TM9SF3: variants seen among roughly 807,000 people sequenced by gnomAD.
TM9SF3 encodes the protein SM-11044-binding protein.
TM9SF3 carries 14 observed loss-of-function variants against 78.6 expected under a neutral mutation model. The ratio of observed to expected loss-of-function variants is 0.18; its 90% CI spans 0.12 to 0.28. The LOEUF (loss-of-function observed/expected upper bound fraction) is 0.28, where lower values mean the gene tolerates loss of function less well. Ranked by LOEUF, TM9SF3 falls within the 10% of genes least tolerant of loss-of-function variation. The pLI, the probability that TM9SF3 is intolerant of heterozygous loss-of-function variation, is 1.00. For missense variants in TM9SF3, 496 were observed against 721.9 expected (o/e 0.69, Z 3.59); for synonymous variants, 231 against 241.7 (o/e 0.96, Z 0.41).
intron 14 of TM9SF3, among the ~76,000 whole-genome samples, chr10:96,525,738 C>T (rs1284574054): frequency 6.6e-6 from 1 of 152,076 alleles, no homozygotes; most frequent in African/African-American, 2.4e-5. Flanking sequence ...TACATCATTC[C>T]TACAAAGTAA....
At chr10:96,526,522 C>T (rs1847839849) in intron 14 of TM9SF3, among the ~76,000 whole-genome samples, 1 of 152,110 alleles carries the variant, frequency 6.6e-6, no homozygotes, top group South Asian at 2.1e-4. Context: ...CTATTTCACA[C>T]ATTCTAGAGA....
At chr10:96,561,798 A>G (rs1418135123) in intron 4 of TM9SF3, among the ~76,000 whole-genome samples, 180 bp downstream of exon 4, 1 of 152,244 alleles carries the variant, frequency 6.6e-6, no homozygotes, top group African/African-American at 2.4e-5. Flanking sequence ...ACAGACCTGA[A>G]GCAAATCCTC....
rs370648153 is a variant in TM9SF3 at position 96,519,777 on chromosome 10, GACAC to G, written c.*2482_*2485del. On this transcript the variant is annotated 3_prime_UTR_variant, in exon 15 of 15. Transcript: ENST00000371142. ...TTGTGAATTACATCTTCTTTAAGAA[GACAC>G]ACACACACGCACACACATACATACA... 9.2e-5 allele frequency: 14 copies of G among 151,542 alleles called. No homozygotes were observed. The highest frequency in any genetic ancestry group is 3.4e-4 in the African/African-American group (14 of 41,402). 9.4% of individuals were successfully genotyped at this position (151,542 alleles called of 1,614,324 possible).
intron 4 of TM9SF3, 83 bp downstream of exon 4, chr10:96,561,895 T>C: frequency 8.7e-7 from 1 of 1,148,408 alleles, no homozygotes; most frequent in Non-Finnish European, 1.3e-6. Context: ...AGCTACATTT[T>C]CATTTACTAA....
chr10:96,562,209 T>A, intron 3 of TM9SF3, 71 bp from the exon 4 acceptor site: 19 of 1,064,992 alleles, frequency 1.8e-5, no homozygotes, highest in Non-Finnish European at 2.2e-5. Flanking sequence ...AGCTAAATGC[T>A]CATTAAGTTT....
intron 12 of TM9SF3, among the ~76,000 whole-genome samples, chr10:96,527,718 C>T (rs1314470997): frequency 6.6e-6 from 1 of 152,018 alleles, no homozygotes; most frequent in African/African-American, 2.4e-5. Flanking sequence ...TACCAGTGAC[C>T]ATAAATACAC....
intron 1 of TM9SF3, 102 bp downstream of exon 1, chr10:96,586,632 G>T: frequency 2.0e-6 from 2 of 991,206 alleles, no homozygotes; most frequent in Non-Finnish European, 1.3e-6. Flanking sequence ...GGCCGCAGTG[G>T]GGCACCACCG....
At chr10:96,572,320 AG>A (rs1355558395) in intron 2 of TM9SF3, among the ~76,000 whole-genome samples, 2 of 151,842 alleles carry the variant, frequency 1.3e-5, no homozygotes, top group Non-Finnish European at 2.9e-5. Context: ...GAGATCAAAG[AG>A]GTTGAACAAT....
At chr10:96,569,416 C>G (rs1848414526) in intron 2 of TM9SF3, among the ~76,000 whole-genome samples, 1 of 152,136 alleles carries the variant, frequency 6.6e-6, no homozygotes, top group African/African-American at 2.4e-5. Flanking sequence ...GTAAGATACT[C>G]AATAACTGCT....
At chr10:96,539,723 T>C (rs1398188376) in intron 9 of TM9SF3, among the ~76,000 whole-genome samples, 1 of 152,176 alleles carries the variant, frequency 6.6e-6, no homozygotes, top group Non-Finnish European at 1.5e-5. Flanking sequence ...TCAGTACATC[T>C]GTAAAAACAC....
Position 96,522,141 on chromosome 10 carries a change from G to A in TM9SF3, c.*122C>T, listed in dbSNP as rs563830697. 24 of 768,740 alleles carry A rather than the reference G, an allele frequency of 3.1e-5. No individual in the cohort carries two copies. The highest frequency in any genetic ancestry group is 5.0e-5 in the Non-Finnish European group (23 of 462,354). 47.6% of individuals were successfully genotyped at this position (768,740 alleles called of 1,614,324 possible). ...TACTTTAAGCCACCGACGAAAGAGAGACCCACAAAGTACCCAGTGTGTTAA... is the reference window on the plus strand; with the variant it reads ...TACTTTAAGCCACCGACGAAAGAGAAACCCACAAAGTACCCAGTGTGTTAA... On this transcript the variant is annotated 3_prime_UTR_variant, in exon 15 of 15. Transcript: ENST00000371142.
chr10:96,535,627 A>C (rs1037045328), intron 9 of TM9SF3, among the ~76,000 whole-genome samples: 1 of 152,222 alleles, frequency 6.6e-6, no homozygotes, highest in Non-Finnish European at 1.5e-5. Context: ...CCTGGAACTC[A>C]AATTAATATG....
intron 2 of TM9SF3, among the ~76,000 whole-genome samples, chr10:96,571,040 A>G (rs1219913554): frequency 1.3e-5 from 2 of 152,152 alleles, no homozygotes; most frequent in African/African-American, 4.8e-5. Flanking sequence ...ACCCCCGGCC[A>G]TGGGAAAAAG....
chr10:96,572,437 G>T (rs1312281539), intron 2 of TM9SF3, among the ~76,000 whole-genome samples: 1 of 151,846 alleles, frequency 6.6e-6, no homozygotes, highest in African/African-American at 2.4e-5. Flanking sequence ...GGTTCGAAGA[G>T]GTACCCTCTA....
intron 2 of TM9SF3, among the ~76,000 whole-genome samples, chr10:96,568,247 T>C (rs768636741): frequency 2.6e-5 from 4 of 152,222 alleles, no homozygotes; most frequent in Non-Finnish European, 4.4e-5. Flanking sequence ...TGTATGAATA[T>C]GCCAAATCAT....
chr10:96,578,953 T>C (rs1220835301), intron 1 of TM9SF3, among the ~76,000 whole-genome samples: 1 of 152,142 alleles, frequency 6.6e-6, no homozygotes, highest in Admixed American at 6.5e-5. Flanking sequence ...GCACACACCT[T>C]GTAATCCCAG....
At chr10:96,571,082 GT>G (rs1414582784) in intron 2 of TM9SF3, among the ~76,000 whole-genome samples, 2 of 152,270 alleles carry the variant, frequency 1.3e-5, no homozygotes, top group Admixed American at 1.3e-4. Flanking sequence ...ATGGAAAACG[GT>G]TGTAAGATGA....
At chr10:96,535,946 T>G (rs757970514) in intron 9 of TM9SF3, among the ~76,000 whole-genome samples, 56 of 152,084 alleles carry the variant, frequency 3.7e-4, no homozygotes, top group Non-Finnish European at 7.2e-4. Context: ...CAACCATATA[T>G]AAAACAAATA....
intron 3 of TM9SF3, among the ~76,000 whole-genome samples, chr10:96,564,694 T>TA (rs1481518393): frequency 6.6e-6 from 1 of 152,108 alleles, no homozygotes; most frequent in Non-Finnish European, 1.5e-5. Context: ...AAGAAACAAT[T>TA]AGAGAAAAAT....
Sources: allele counts gnomAD v4.1 joint callset (sites outside exome capture counted in the v4.1 genomes callset), GRCh38; gene constraint gnomAD v4.1.1; transcripts MANE v1.5; gene names NCBI Gene and HGNC (gene_info 2026-07-23, HGNC 2026-07-21).